Variants in CPPED1 observed in about 807,000 individuals in gnomAD.
The protein encoded by CPPED1 is serine/threonine-protein phosphatase CPPED1.
In CPPED1, 28 loss-of-function variants were observed where a neutral mutation model predicts 28.0. The ratio of observed to expected loss-of-function variants is 1.00; its 90% CI spans 0.74 to 1.37. The LOEUF (loss-of-function observed/expected upper bound fraction) is 1.37, where lower values mean the gene tolerates loss of function less well. Among genes scored for constraint, CPPED1 ranks in the 40% most tolerant of loss-of-function variants. The pLI, the probability that CPPED1 is intolerant of heterozygous loss-of-function variation, is 0.00. For missense variants in CPPED1, 504 were observed against 416.5 expected (o/e 1.21, Z -1.83); for synonymous variants, 198 against 180.2 (o/e 1.10, Z -0.79).
chr16:12,711,775 T>G (rs1346667652), intron 2 of CPPED1, among the ~76,000 whole-genome samples: 3 of 152,196 alleles, frequency 2.0e-5, no homozygotes, highest in Non-Finnish European at 4.4e-5. Flanking sequence ...GATGTTGCCC[T>G]CTGAGCCTGT....
chr16:12,803,573 T>C (rs2080673791), intron 1 of CPPED1, 134 bp downstream of exon 1: 4 of 719,686 alleles, frequency 5.6e-6, no homozygotes, highest in Non-Finnish European at 8.3e-6. Flanking sequence ...TTGATGCAGC[T>C]ATGGCGGCTC....
intron 2 of CPPED1, among the ~76,000 whole-genome samples, chr16:12,778,319 C>A (rs1171839972): frequency 4.1e-5 from 6 of 146,978 alleles, no homozygotes; most frequent in Admixed American, 1.4e-4. Flanking sequence ...CTCTGCTGCC[C>A]AGGCTGGAGT....
chr16:12,800,314 T>TG (rs1361847239), intron 1 of CPPED1, among the ~76,000 whole-genome samples: 1 of 151,894 alleles, frequency 6.6e-6, no homozygotes, highest in Non-Finnish European at 1.5e-5. Flanking sequence ...GGTACATGCC[T>TG]GTAATCCCAG....
At position 12,745,237 on chromosome 16, in the gene CPPED1, C is replaced by T. The variant is rs139760851; in HGVS notation, c.289+35948G>A. 7.9e-3 allele frequency among the ~76,000 whole-genome samples: 1,206 copies of T among 152,052 alleles called. 17 individuals carry two copies. Among genetic ancestry groups the T allele is most frequent in the African/African-American group, 0.027 (1,139 of 41,456 alleles). On this transcript the variant is annotated intron_variant, in intron 2 of 3. Coordinates refer to ENST00000381774, the MANE Select transcript of CPPED1 (RefSeq NM_018340.3). ...GGCTGAAATCTCTTCAAATATGATGCGAGTTATGAATTCACAGACTAAGAA... is the reference window on the plus strand; with the variant it reads ...GGCTGAAATCTCTTCAAATATGATGTGAGTTATGAATTCACAGACTAAGAA...
chr16:12,791,371 T>G (rs769202435), intron 1 of CPPED1, among the ~76,000 whole-genome samples: 6 of 152,186 alleles, frequency 3.9e-5, no homozygotes, highest in Non-Finnish European at 8.8e-5. Flanking sequence ...TAGCTTCATC[T>G]GTGTCCCTGC....
intron 1 of CPPED1, among the ~76,000 whole-genome samples, chr16:12,794,017 G>A (rs1177796430): frequency 6.6e-6 from 1 of 151,896 alleles, no homozygotes; most frequent in Non-Finnish European, 1.5e-5. Context: ...AACTGCTCTG[G>A]GGACTAATCT....
At chr16:12,716,937 G>A (rs1207246266) in intron 2 of CPPED1, among the ~76,000 whole-genome samples, 1 of 147,590 alleles carries the variant, frequency 6.8e-6, no homozygotes, top group East Asian at 1.9e-4. Flanking sequence ...GGAAGCTCAG[G>A]GTGGGGGTAA....
At chr16:12,715,811 A>G (rs1396068949) in intron 2 of CPPED1, among the ~76,000 whole-genome samples, 1 of 152,224 alleles carries the variant, frequency 6.6e-6, no homozygotes, top group Admixed American at 6.5e-5. Flanking sequence ...TACAGGCATG[A>G]GCCACCACTC....
At chr16:12,722,841 T>C (rs1322510554) in intron 2 of CPPED1, among the ~76,000 whole-genome samples, 1 of 152,088 alleles carries the variant, frequency 6.6e-6, no homozygotes, top group Non-Finnish European at 1.5e-5. Context: ...CAAGGCTGGG[T>C]GGTGCAGTAA....
intron 3 of CPPED1, among the ~76,000 whole-genome samples, chr16:12,696,446 T>G (rs2079991124): frequency 6.7e-6 from 1 of 149,672 alleles, no homozygotes; most frequent in South Asian, 2.1e-4. Context: ...TTCTTTTTTT[T>G]TTTTTTTTTT....
intron 3 of CPPED1, among the ~76,000 whole-genome samples, chr16:12,668,240 T>C (rs762709445): frequency 2.0e-5 from 3 of 152,182 alleles, no homozygotes; most frequent in Non-Finnish European, 4.4e-5. Flanking sequence ...TATTAAAAAA[T>C]AATGATGACC....
intron 1 of CPPED1, among the ~76,000 whole-genome samples, chr16:12,792,212 C>G (rs1596487369): frequency 6.6e-6 from 1 of 152,182 alleles, no homozygotes; most frequent in African/African-American, 2.4e-5. Flanking sequence ...CTCAGCCTCC[C>G]AAAGTGCTGG....
rs1482402130 is a variant in CPPED1, at chr16:12,664,779, C to T, written c.*107G>A. ...TGCAAAAGGACATAAATTCACAAAC[C>T]TGCCTGGGCTATTTTTATATTTCAG... On this transcript the variant is annotated 3_prime_UTR_variant, in exon 4 of 4. Transcript: ENST00000381774. This position sits in a 1 kb window ranked among gnomAD's most constrained non-coding sequence, Gnocchi z 4.2. 6.5e-7 allele frequency: 1 copy of T among 1,529,862 alleles called. No homozygotes were observed. Among genetic ancestry groups the T allele is most frequent in the East Asian group, 2.4e-5 (1 of 41,690 alleles). 94.8% of individuals were successfully genotyped at this position (1,529,862 alleles called of 1,614,324 possible).
chr16:12,727,665 C>A (rs1446125387), intron 2 of CPPED1, among the ~76,000 whole-genome samples: 1 of 152,112 alleles, frequency 6.6e-6, no homozygotes, highest in Non-Finnish European at 1.5e-5. Flanking sequence ...CATCTGAATT[C>A]AAACATTTTA....
chr16:12,788,497 T>C (rs1353456123), intron 1 of CPPED1, among the ~76,000 whole-genome samples: 1 of 152,068 alleles, frequency 6.6e-6, no homozygotes, highest in Admixed American at 6.6e-5. Flanking sequence ...GTACTAGAAA[T>C]TGTCAGTGCT....
chr16:12,688,385 T>C (rs1329924592), intron 3 of CPPED1, among the ~76,000 whole-genome samples: 1 of 145,346 alleles, frequency 6.9e-6, no homozygotes, highest in African/African-American at 2.6e-5. Flanking sequence ...CAGGCTGGAG[T>C]GCAGTGGCAA....
rs543979105 is a variant in CPPED1 at position 12,798,494 on chromosome 16, A to C, written c.70+5213T>G. ...CTTAGGTGAGACCTGCAAGAGACAGAGTGAGTTATTTTTTTACTGACACTA... is the reference window on the plus strand; with the variant it reads ...CTTAGGTGAGACCTGCAAGAGACAGCGTGAGTTATTTTTTTACTGACACTA... On this transcript the variant is annotated intron_variant, in intron 1 of 3. Coordinates refer to ENST00000381774, the MANE Select transcript of CPPED1 (RefSeq NM_018340.3). Among the ~76,000 whole-genome samples the C allele has an allele frequency of 3.9e-5, 6 of 152,346 alleles. No homozygotes were observed. The South Asian group carries it at 1.2e-3, about 32-fold the overall frequency.
chr16:12,747,432 AAAATAAATAAATAAAT>A lies in CPPED1; in HGVS notation c.289+33737_289+33752del, dbSNP rs55706541. On this transcript the variant is annotated intron_variant, in intron 2 of 3. Coordinates refer to ENST00000381774, the MANE Select transcript of CPPED1 (RefSeq NM_018340.3). ...GGACGAAAAGGGGGACTCTGTTTTA[AAAATAAATAAATAAAT>A]AAATAAATAAATAAATAAATAATCA... is the stretch of plus-strand genomic sequence containing the variant. Among the ~76,000 whole-genome samples, 13 of 145,050 alleles carry A rather than the reference AAAATAAATAAATAAAT, an allele frequency of 9.0e-5. No homozygotes were observed. The South Asian group carries it at 1.8e-3, about 20-fold the overall frequency.
rs145059245 is a variant in CPPED1 at position 12,662,693 on chromosome 16, G to A, written c.*2193C>T. The stretch of plus-strand genomic sequence containing the variant: ...AACAGCCTCCAGTTCCATCCAGGTT[G>A]CTGCAAAAGACATGGTTTCATTCTT... On this transcript the variant is annotated 3_prime_UTR_variant, in exon 4 of 4. Coordinates refer to ENST00000381774, the MANE Select transcript of CPPED1 (RefSeq NM_018340.3). 1.4e-3 allele frequency: 208 copies of A among 152,344 alleles called. 3 individuals are homozygous for A. Among genetic ancestry groups the A allele is most frequent in the African/African-American group, 4.8e-3 (201 of 41,586 alleles). The allele number at this position is 152,344 out of a possible 1,614,324, so 9.4% of individuals were successfully genotyped here. A position where few individuals can be genotyped will look rare whatever the true frequency, so the allele number is the denominator to read the frequency against.
Sources: gnomAD v4.1 joint callset for allele counts (sites outside exome capture counted in the v4.1 genomes callset) on GRCh38, gnomAD v4.1.1 for gene constraint, Gnocchi (gnomAD v3.1) non-coding constraint, MANE v1.5 for transcripts, NCBI Gene and HGNC (gene_info 2026-07-23, HGNC 2026-07-21) for gene names.